Variants in ERI1 observed in about 807,000 individuals in gnomAD.
ERI1 encodes the protein exoribonuclease 1.
In ERI1, 39 loss-of-function variants were observed where a neutral mutation model predicts 39.7. The ratio of observed to expected loss-of-function variants is 0.98; its 90% CI spans 0.76 to 1.28. The LOEUF (loss-of-function observed/expected upper bound fraction) is 1.28, where lower values mean the gene tolerates loss of function less well. Ranked by LOEUF, ERI1 falls within the 50% of genes most tolerant of loss-of-function variation. ERI1 has a pLI of 0.00. For synonymous variants in ERI1, 204 were observed against 149.6 expected (o/e 1.36, Z -2.65); for missense variants, 581 against 416.9 (o/e 1.39, Z -3.43).
At chr8:9,066,568 C>T (rs1798885139) in intron 3 of ERI1, among the ~76,000 whole-genome samples, 1 of 152,076 alleles carries the variant, frequency 6.6e-6, no homozygotes, top group Non-Finnish European at 1.5e-5. Context: ...AAATGACAGG[C>T]AGAAAGGAAT....
At chr8:9,058,400 T>C (rs1798582345) in intron 3 of ERI1, among the ~76,000 whole-genome samples, 1 of 152,190 alleles carries the variant, frequency 6.6e-6, no homozygotes, top group Non-Finnish European at 1.5e-5. Context: ...CTCATGGGCC[T>C]AGCTCCTGGT....
At chr8:9,016,429 C>T (rs545301062) in intron 4 of ERI1, 24 bp downstream of exon 4, 8 of 1,468,388 alleles carry the variant, frequency 5.4e-6, no homozygotes, top group Non-Finnish European at 7.4e-6. Flanking sequence ...GTTCTTCTTT[C>T]TAGAGTTTGA....
At chr8:9,013,873 C>T (rs533683277) in intron 3 of ERI1, among the ~76,000 whole-genome samples, 1 of 152,266 alleles carries the variant, frequency 6.6e-6, no homozygotes, top group African/African-American at 2.4e-5. Context: ...CAAAATATAT[C>T]CAGAACCCAG....
chr8:9,018,047 G>C (rs1223338812), intron 4 of ERI1, among the ~76,000 whole-genome samples: 2 of 152,138 alleles, frequency 1.3e-5, no homozygotes, highest in African/African-American at 4.8e-5. Flanking sequence ...GAACCACTGG[G>C]GATGATCTTA....
chr8:9,063,641 A>T (rs966018465), intron 3 of ERI1, among the ~76,000 whole-genome samples: 6 of 152,136 alleles, frequency 3.9e-5, no homozygotes, highest in African/African-American at 1.4e-4. Flanking sequence ...GATGAGTTGC[A>T]TGGGGAACAG....
intron 1 of ERI1, among the ~76,000 whole-genome samples, 176 bp from the exon 2 acceptor site, chr8:9,007,794 C>T (rs566889013): frequency 1.1e-4 from 16 of 152,220 alleles, no homozygotes; most frequent in Non-Finnish European, 1.8e-4. Context: ...GTATTGGAGA[C>T]GCATCTTCCT....
At chr8:9,082,692 C>G (rs563513970) in intron 3 of ERI1, among the ~76,000 whole-genome samples, 14 of 152,148 alleles carry the variant, frequency 9.2e-5, no homozygotes, top group Non-Finnish European at 1.9e-4. Flanking sequence ...AATGGATTCT[C>G]TCCTTCCCCA....
chr8:9,008,267 A>C (rs1199839645), intron 2 of ERI1, 119 bp downstream of exon 2: 8 of 898,542 alleles, frequency 8.9e-6, no homozygotes, highest in Admixed American at 6.9e-5. Flanking sequence ...GATCCTATTA[A>C]CAGTTCACAA....
At chr8:9,100,033 G>A (rs1207556690) in intron 3 of ERI1, 2 of 152,476 alleles carry the variant, frequency 1.3e-5, no homozygotes, top group African/African-American at 4.8e-5. Flanking sequence ...GCCAAGCATT[G>A]CACTATGAAG....
chr8:9,096,562 A>T (rs1347539003), intron 3 of ERI1, among the ~76,000 whole-genome samples: 1 of 151,980 alleles, frequency 6.6e-6, no homozygotes, highest in Non-Finnish European at 1.5e-5. Context: ...AGGAGGGAGG[A>T]GCGGTGGCTT....
At chr8:9,023,055 G>T (rs1467242255) in intron 6 of ERI1, among the ~76,000 whole-genome samples, 1 of 152,066 alleles carries the variant, frequency 6.6e-6, no homozygotes, top group Non-Finnish European at 1.5e-5. Context: ...TTTACCTTTT[G>T]TGTGTTGAGT....
At chr8:9,019,696 T>G (rs1315706601) in intron 5 of ERI1, among the ~76,000 whole-genome samples, 1 of 152,210 alleles carries the variant, frequency 6.6e-6, no homozygotes, top group African/African-American at 2.4e-5. Context: ...TTTAATTTTC[T>G]TATAATATAG....
At chr8:9,060,739 G>A (rs1022320144) in intron 3 of ERI1, among the ~76,000 whole-genome samples, 2 of 152,172 alleles carry the variant, frequency 1.3e-5, no homozygotes, top group African/African-American at 2.4e-5. Flanking sequence ...GTGAAGGAGA[G>A]AAACTGGCCG....
intron 3 of ERI1, among the ~76,000 whole-genome samples, chr8:9,077,871 G>C (rs1378536147): frequency 6.6e-6 from 1 of 152,156 alleles, no homozygotes; most frequent in Admixed American, 6.6e-5. Flanking sequence ...ATTTTTTTCT[G>C]ATCCCCAACA....
Position 9,030,112 on chromosome 8 carries a change from G to C in ERI1, c.*78G>C, listed in dbSNP as rs78090829. 6.4e-7 allele frequency: 1 copy of C among 1,565,344 alleles called. No individual in the cohort carries two copies. The highest frequency in any genetic ancestry group is 8.7e-7 in the Non-Finnish European group (1 of 1,146,696). ...AGATGAATCTCATTGAATTAGTCCT[G>C]TAGTGCAAACTTTAAGCACCTTAAA... On this transcript the variant is annotated 3_prime_UTR_variant, in exon 7 of 7. Transcript: ENST00000250263.
chr8:9,003,157 C>A lies in ERI1; in HGVS notation c.94C>A (p.Arg32Ser), dbSNP rs967082606. 1 of 1,243,186 alleles carries A rather than the reference C, an allele frequency of 8.0e-7. No homozygotes were observed. Among genetic ancestry groups the A allele is most frequent in the East Asian group, 3.1e-5 (1 of 31,810 alleles). 77.0% of individuals were successfully genotyped at this position (1,243,186 alleles called of 1,614,324 possible). Residue 32 changes from arginine (R) to serine (S), a missense_variant, in exon 1 of 7, where the codon CGT (arginine) becomes AGT (serine). By Grantham distance (110) the Arg-to-Ser change is moderately radical. Transcript: ENST00000250263. ...GCCGGAGGGCGGGGAGGAGCCGCCG[C>A]GTCCCAGTCCCGAGGTGAGGAGTCG... is the stretch of plus-strand genomic sequence containing the variant. ...PRPEGGEEPP[R>S]PSPEETQQCK...
At chr8:9,087,278 T>C (rs1032540806) in intron 3 of ERI1, among the ~76,000 whole-genome samples, 1 of 151,760 alleles carries the variant, frequency 6.6e-6, no homozygotes, top group East Asian at 1.9e-4. Context: ...GGAGTTTCAC[T>C]CCTGTTGCCC....
chr8:9,026,538 C>T (rs1410477745), intron 6 of ERI1, among the ~76,000 whole-genome samples: 2 of 148,386 alleles, frequency 1.3e-5, no homozygotes, highest in African/African-American at 5.1e-5. Flanking sequence ...AAAGTTCATC[C>T]ATGTTGTATC....
intron 3 of ERI1, among the ~76,000 whole-genome samples, chr8:9,083,836 C>T (rs1799442136): frequency 6.6e-6 from 1 of 152,086 alleles, no homozygotes; most frequent in South Asian, 2.1e-4. Flanking sequence ...CTCTGTAGCC[C>T]AGGCTGGAGT....
Sources: allele counts gnomAD v4.1 joint callset (sites outside exome capture counted in the v4.1 genomes callset), GRCh38; gene constraint gnomAD v4.1.1; transcripts MANE v1.5; gene names NCBI Gene and HGNC (gene_info 2026-07-23, HGNC 2026-07-21).